ABHD1: variants seen among roughly 807,000 people sequenced by gnomAD.
ABHD1 encodes the protein abhydrolase domain containing 1, also known as protein ABHD1.
In ABHD1, 47 loss-of-function variants were observed where a neutral mutation model predicts 41.4. The ratio of observed to expected loss-of-function variants is 1.13; its 90% CI spans 0.90 to 1.45. The LOEUF (loss-of-function observed/expected upper bound fraction) is 1.45. Among genes scored for constraint, ABHD1 ranks in the 40% most tolerant of loss-of-function variants. The pLI is 0.00. For synonymous variants in ABHD1, 205 were observed against 203.7 expected (o/e 1.01, Z -0.05); for missense variants, 550 against 503.4 (o/e 1.09, Z -0.89).
intron 1 of ABHD1, among the ~76,000 whole-genome samples, chr2:27,127,852 G>A (rs1194942426): frequency 2.0e-5 from 3 of 151,982 alleles, no homozygotes; most frequent in African/African-American, 4.8e-5. Flanking sequence ...GAGCGACTGC[G>A]CCCGGCCGGC....
rs1029668942 is a variant in ABHD1 at position 27,130,236 on chromosome 2, T to C, written c.841-15T>C. The C allele has an allele frequency of 5.6e-5, 91 of 1,614,070 alleles. No individual in the cohort carries two copies. The highest frequency in any genetic ancestry group is 7.6e-5 in the Non-Finnish European group (90 of 1,180,038). ...TTCTTTATCATCTTAGCCTATCCTA[T>C]GGTAAGACCTGCAGGCCCGTACAAT... On this transcript the variant is annotated splice_polypyrimidine_tract_variant and intron_variant, in intron 7 of 8. Coordinates refer to ENST00000316470, the MANE Select transcript of ABHD1 (RefSeq NM_032604.4).
Position 27,130,771 on chromosome 2 carries a change from C to T in ABHD1, c.*27C>T. 1 of 1,603,204 alleles carries T rather than the reference C, an allele frequency of 6.2e-7. No individual in the cohort carries two copies. The highest frequency in any genetic ancestry group is 8.5e-7 in the Non-Finnish European group (1 of 1,170,384). ...AAGAGTACCATTTGGGGTCTCAGTTCACTCTTTCCTTGTTTATTAAATATC... is the reference window on the plus strand; with the variant it reads ...AAGAGTACCATTTGGGGTCTCAGTTTACTCTTTCCTTGTTTATTAAATATC... On this transcript the variant is annotated 3_prime_UTR_variant, in exon 9 of 9. Transcript: ENST00000316470.
In ABHD1 at chr2:27,129,058, G is replaced by C. The variant is rs1402376107; in HGVS notation, c.389G>C (p.Gly130Ala). The C allele has an allele frequency of 1.2e-6, 2 of 1,613,960 alleles. No homozygotes were observed. The highest frequency in any genetic ancestry group is 1.7e-6 in the Non-Finnish European group (2 of 1,180,042). Residue 130 changes from glycine (G) to alanine (A), a missense_variant, in exon 3 of 9, where the codon GGC becomes GCC. Coordinates refer to ENST00000316470, the MANE Select transcript of ABHD1 (RefSeq NM_032604.4). The stretch of plus-strand genomic sequence containing the variant: ...CAGCCCATTGTGCTGCTGCTTCCTG[G>C]CATCACTGGCAGTAGCCAGGAGACA... Reference protein sequence around the residue: ...TTQPIVLLLPGITGSSQETYV... With the variant: ...TTQPIVLLLPAITGSSQETYV...
At position 27,130,812 on chromosome 2, in the gene ABHD1, A is replaced by G. The variant is rs769501676; in HGVS notation, c.*68A>G. ...ATTAAATATCAACTTTTCCTGCCTA[A>G]TGGGCTGAGGTTCATTTTCCCATTC... On this transcript the variant is annotated 3_prime_UTR_variant, in exon 9 of 9. Coordinates refer to ENST00000316470, the MANE Select transcript of ABHD1 (RefSeq NM_032604.4). 6 of 1,532,500 alleles carry G rather than the reference A, an allele frequency of 3.9e-6. No individual in the cohort carries two copies. Among genetic ancestry groups the G allele is most frequent in the Non-Finnish European group, 5.4e-6 (6 of 1,113,412 alleles). 94.9% of individuals were successfully genotyped at this position (1,532,500 alleles called of 1,614,324 possible). A position where few individuals can be genotyped will look rare whatever the true frequency, so the allele number is the denominator to read the frequency against.
rs1672217509 is a variant in ABHD1, at chr2:27,130,781, T to C, written c.*37T>C. ...TTTGGGGTCTCAGTTCACTCTTTCC[T>C]TGTTTATTAAATATCAACTTTTCCT... On this transcript the variant is annotated 3_prime_UTR_variant, in exon 9 of 9. Coordinates refer to ENST00000316470, the MANE Select transcript of ABHD1 (RefSeq NM_032604.4). 1 of 1,596,354 alleles carries C rather than the reference T, an allele frequency of 6.3e-7. No individual in the cohort carries two copies. Among genetic ancestry groups the C allele is most frequent in the African/African-American group, 1.3e-5 (1 of 74,472 alleles).
chr2:27,130,666 C>T lies in ABHD1; in HGVS notation c.1140C>T (p.Tyr380=), dbSNP rs201724133. ...HWYMSRLLHQ[Y]AKAIFQDPEG... is the part of the protein sequence containing the mutation. Reference sequence around the variant, plus strand: ...ACATGAGCCGCCTCTTGCATCAGTACGCCAAAGCCATCTTCCAGGACCCAG... The same window carrying T: ...ACATGAGCCGCCTCTTGCATCAGTATGCCAAAGCCATCTTCCAGGACCCAG... The change falls in exon 9 of 9, where the codon TAC becomes TAT. Residue 380 remains tyrosine, a synonymous_variant. Transcript: ENST00000316470. The T allele has an allele frequency of 1.0e-4, 164 of 1,614,110 alleles. No individual in the cohort carries two copies. The highest frequency in any genetic ancestry group is 1.3e-4 in the Admixed American group (8 of 60,016).
intron 1 of ABHD1, 103 bp downstream of exon 1, chr2:27,124,165 C>G: frequency 1.8e-6 from 2 of 1,082,168 alleles, no homozygotes; most frequent in Non-Finnish European, 2.8e-6. Flanking sequence ...TTGGGCTTCC[C>G]CACAGGTGAA....
rs982722690 is a variant in ABHD1, at chr2:27,130,261, T to C, written c.851T>C (p.Ile284Thr). Reference protein sequence around the residue: ...DIDFVLQARTIRQFDERYTSV... With the variant: ...DIDFVLQARTTRQFDERYTSV... The stretch of plus-strand genomic sequence containing the variant: ...TGGTAAGACCTGCAGGCCCGTACAA[T>C]CCGCCAGTTTGATGAGCGCTACACA... The change falls in exon 8 of 9, where the codon ATC (isoleucine) becomes ACC (threonine). Residue 284 changes from isoleucine (I) to threonine (T), a missense_variant. Transcript: ENST00000316470. 1.9e-6 allele frequency: 3 copies of C among 1,614,154 alleles called. No homozygotes were observed. The highest frequency in any genetic ancestry group is 2.5e-6 in the Non-Finnish European group (3 of 1,180,026).
At chr2:27,127,573 A>AG (rs1219609280) in intron 1 of ABHD1, among the ~76,000 whole-genome samples, 26 of 90,466 alleles carry the variant, frequency 2.9e-4, no homozygotes, top group African/African-American at 9.0e-4. Flanking sequence ...AAAAAAAAAG[A>AG]AAAAAAAAAG....
Position 27,128,547 on chromosome 2 carries a change from T to C in ABHD1, c.221T>C (p.Leu74Pro). 2.5e-6 allele frequency: 4 copies of C among 1,613,930 alleles called. No homozygotes were observed. Among genetic ancestry groups the C allele is most frequent in the Non-Finnish European group, 3.4e-6 (4 of 1,180,014 alleles). ...YPTLWCFEGR[L>P]QSIFQVLLQS... is the part of the protein sequence containing the mutation. ...ACGCTGTGGTGTTTTGAGGGGCGACTACAAAGCATCTTCCAAGTCCTCCTG... is the reference window on the plus strand; with the variant it reads ...ACGCTGTGGTGTTTTGAGGGGCGACCACAAAGCATCTTCCAAGTCCTCCTG... The change falls in exon 2 of 9, where the codon CTA becomes CCA. Residue 74 changes from leucine to proline, a missense_variant. Leu to Pro is a moderately conservative substitution (Grantham distance 98). Coordinates refer to ENST00000316470, the MANE Select transcript of ABHD1 (RefSeq NM_032604.4).
At chr2:27,124,230 C>A in intron 1 of ABHD1, 168 bp downstream of exon 1, 1 of 715,554 alleles carries the variant, frequency 1.4e-6, no homozygotes, top group Non-Finnish European at 2.5e-6. Flanking sequence ...CTCTGCATCC[C>A]ATGTGATCCC....
intron 5 of ABHD1, 52 bp from the exon 6 acceptor site, chr2:27,129,702 A>T: frequency 6.2e-7 from 1 of 1,610,904 alleles, no homozygotes; most frequent in Non-Finnish European, 8.5e-7. Context: ...CCTCTGTCCC[A>T]ACCCACATTA....
At chr2:27,124,585 G>A (rs1671880041) in intron 1 of ABHD1, 3 of 229,168 alleles carry the variant, frequency 1.3e-5, no homozygotes, top group African/African-American at 2.4e-5. Flanking sequence ...TCTCCATATA[G>A]TGAGTGTGAT....
Position 27,129,083 on chromosome 2 carries a change from A to C in ABHD1, c.414A>C (p.Thr138=), listed in dbSNP as rs1303081794. ...LPGITGSSQE[T]YVLHLVNQAL... ...GCATCACTGGCAGTAGCCAGGAGAC[A>C]TACGTCTTGCACCTAGTTAACCAAG... The change falls in exon 3 of 9, where the codon ACA becomes ACC. Residue 138 remains threonine, a synonymous_variant. Transcript: ENST00000316470. The C allele has an allele frequency of 3.7e-6, 6 of 1,613,838 alleles. No individual in the cohort carries two copies. The African/African-American group carries it at 8.0e-5, about 22-fold the overall frequency.
chr2:27,130,360 T>C lies in ABHD1; in HGVS notation c.950T>C (p.Ile317Thr), dbSNP rs759978338. Residue 317 changes from isoleucine to threonine, a missense_variant, in exon 8 of 9, where the codon ATC becomes ACC. Transcript: ENST00000316470. The stretch of plus-strand genomic sequence containing the variant: ...AGCCCTAGAACCAAGATAGATGCCA[T>C]CCGGATCCCTGTGCTCTATCTCAGT... The part of the protein sequence containing the change: ...AASPRTKIDA[I>T]RIPVLYLSAA... 5 of 1,614,056 alleles carry C rather than the reference T, an allele frequency of 3.1e-6. No individual in the cohort carries two copies. In the African/African-American group the frequency reaches 6.7e-5, roughly 22 times the overall value.
At chr2:27,126,056 TGAC>T (rs1408855262) in intron 1 of ABHD1, 1 of 152,202 alleles carries the variant, frequency 6.6e-6, no homozygotes, top group African/African-American at 2.4e-5. Flanking sequence ...TTCTGGCCCT[TGAC>T]AAGTTATTCA....
intron 4 of ABHD1, 46 bp from the exon 5 acceptor site, chr2:27,129,468 C>T (rs770986317): frequency 6.2e-7 from 1 of 1,612,468 alleles, no homozygotes; most frequent in Non-Finnish European, 8.5e-7. Flanking sequence ...CCTCCACCTT[C>T]TGGCCACGGT....
At position 27,130,624 on chromosome 2, in the gene ABHD1, C is replaced by G; in HGVS notation, c.1098C>G (p.Leu366=). The change falls in exon 9 of 9, where the codon CTC becomes CTG. Residue 366 remains leucine (L), a synonymous_variant. Transcript: ENST00000316470. ...GGHIGFLEGL[L]PWQHWYMSRL... Reference sequence around the variant, plus strand: ...ACATCGGCTTCCTGGAAGGGCTGCTCCCGTGGCAGCACTGGTACATGAGCC... The same window carrying G: ...ACATCGGCTTCCTGGAAGGGCTGCTGCCGTGGCAGCACTGGTACATGAGCC... 1 of 1,614,190 alleles carries G rather than the reference C, an allele frequency of 6.2e-7. No individual in the cohort carries two copies. Among genetic ancestry groups the G allele is most frequent in the Non-Finnish European group, 8.5e-7 (1 of 1,180,034 alleles).
At position 27,124,035 on chromosome 2, in the gene ABHD1, G is replaced by A. The variant is rs1296308085; in HGVS notation, c.87G>A (p.Leu29=). The A allele has an allele frequency of 6.2e-7, 1 of 1,614,190 alleles. No individual in the cohort carries two copies. The highest frequency in any genetic ancestry group is 8.5e-7 in the Non-Finnish European group (1 of 1,180,024). ...LLLALAVALY[L]GYYWACVLQR... ...TGGCTCTTGCCGTTGCCCTCTACTT[G>A]GGCTACTACTGGGCATGTGTGCTTC... Residue 29 remains leucine, a synonymous_variant, in exon 1 of 9, where the codon TTG becomes TTA. Coordinates refer to ENST00000316470, the MANE Select transcript of ABHD1 (RefSeq NM_032604.4).
Sources: gnomAD v4.1 joint callset for allele counts (sites outside exome capture counted in the v4.1 genomes callset) on GRCh38, gnomAD v4.1.1 for gene constraint, MANE v1.5 for transcripts, NCBI Gene and HGNC (gene_info 2026-07-23, HGNC 2026-07-21) for gene names.